Variants in SMAD9 observed in about 807,000 individuals in gnomAD.
SMAD9 encodes the protein SMAD family member 9, also known as MAD homolog 9.
Under a neutral mutation model 46.1 loss-of-function variants are expected in SMAD9, and 36 were observed. The observed-to-expected ratio is 0.78, with a 90% CI of 0.60 to 1.03. The LOEUF (loss-of-function observed/expected upper bound fraction) is 1.03, where lower values mean the gene tolerates loss of function less well. SMAD9 is among the 50% of genes least tolerant of loss of function. The pLI, the probability that SMAD9 is intolerant of heterozygous loss-of-function variation, is 0.00. For synonymous variants in SMAD9, 245 were observed against 237.1 expected, an observed-to-expected ratio of 1.03 and a Z score of -0.31; for missense variants, 572 against 599.8, an observed-to-expected ratio of 0.95 and a Z score of 0.48.
chr13:36,900,908 A>G (rs2058570176), intron 1 of SMAD9, among the ~76,000 whole-genome samples: 1 of 151,542 alleles, frequency 6.6e-6, no homozygotes, highest in East Asian at 1.9e-4. Flanking sequence ...ATAGAACCCT[A>G]TACACATTCA....
At chr13:36,906,638 CAT>C (rs1354726161) in intron 1 of SMAD9, among the ~76,000 whole-genome samples, 1 of 152,132 alleles carries the variant, frequency 6.6e-6, no homozygotes, top group East Asian at 1.9e-4. Flanking sequence ...CAAATAAGCA[CAT>C]AAAAGGAGGT....
At chr13:36,882,742 A>T (rs1341122674) in intron 1 of SMAD9, among the ~76,000 whole-genome samples, 1 of 152,240 alleles carries the variant, frequency 6.6e-6, no homozygotes, top group Non-Finnish European at 1.5e-5. Flanking sequence ...ACAGATGTTC[A>T]AAATATTATT....
At chr13:36,872,383 A>AAT (rs397933294) in intron 3 of SMAD9, among the ~76,000 whole-genome samples, 1 of 150,456 alleles carries the variant, frequency 6.6e-6, no homozygotes, top group Non-Finnish European at 1.5e-5. Flanking sequence ...AAAAAAAAAA[A>AAT]TCCTTGGAAA....
In SMAD9 at chr13:36,872,812, T is replaced by C; in HGVS notation, c.516A>G (p.Pro172=). Reference sequence around the variant, plus strand: ...AAGAGTCAGGATAGGTGGCGTTGTGTGGCATGAGTGGCTCACTGTGCAGGG... The same window carrying C: ...AAGAGTCAGGATAGGTGGCGTTGTGCGGCATGAGTGGCTCACTGTGCAGGG... ...SASLHSEPLM[P]HNATYPDSFQ... is the part of the protein sequence containing the mutation. The change falls in exon 3 of 7, where the codon CCA becomes CCG. Residue 172 remains proline, a synonymous_variant. Transcript: ENST00000379826. The C allele has an allele frequency of 1.2e-6, 2 of 1,614,024 alleles. No individual in the cohort carries two copies. The highest frequency in any genetic ancestry group is 1.7e-6 in the Non-Finnish European group (2 of 1,179,986).
Position 36,853,695 on chromosome 13 carries a change from G to T in SMAD9, c.1004-20C>A. ...GCACACCTGCAGACACAAAAACACA[G>T]CCTTCCTTCACATGCCCTTTCATAG... On this transcript the variant is annotated intron_variant, in intron 5 of 6. Coordinates refer to ENST00000379826, the MANE Select transcript of SMAD9 (RefSeq NM_001127217.3). 6.2e-7 allele frequency: 1 copy of T among 1,613,336 alleles called. No individual in the cohort carries two copies. The highest frequency in any genetic ancestry group is 1.1e-5 in the South Asian group (1 of 91,068).
intron 6 of SMAD9, 85 bp downstream of exon 6, chr13:36,853,334 A>G: frequency 1.5e-6 from 2 of 1,349,224 alleles, no homozygotes; most frequent in Non-Finnish European, 2.1e-6. Context: ...AATTGACCGC[A>G]CAACTGCCTG....
intron 1 of SMAD9, among the ~76,000 whole-genome samples, chr13:36,883,792 G>A (rs1477748095): frequency 6.6e-6 from 1 of 152,102 alleles, no homozygotes; most frequent in African/African-American, 2.4e-5. Context: ...TATAAACTGT[G>A]GTGGATTAGG....
At chr13:36,853,875 G>A (rs770270389) in intron 5 of SMAD9, among the ~76,000 whole-genome samples, 200 bp from the exon 6 acceptor site, 3 of 152,014 alleles carry the variant, frequency 2.0e-5, no homozygotes, top group African/African-American at 2.4e-5. Flanking sequence ...AAAGTGGATC[G>A]CAGCTGGGTG....
At chr13:36,915,050 T>C (rs571357999) in intron 1 of SMAD9, among the ~76,000 whole-genome samples, 7 of 152,348 alleles carry the variant, frequency 4.6e-5, no homozygotes, top group African/African-American at 1.7e-4. Flanking sequence ...TGGAAGAAGA[T>C]ATTCCATAGA....
At chr13:36,865,804 G>T in intron 4 of SMAD9, 46 bp from the exon 5 acceptor site, 3 of 1,488,026 alleles carry the variant, frequency 2.0e-6, no homozygotes, top group South Asian at 1.1e-5. Flanking sequence ...GTCATACCTG[G>T]GCTGTGTAGT....
chr13:36,849,244 T>G, intron 6 of SMAD9: 1 of 165,918 alleles, frequency 6.0e-6, no homozygotes, highest in Non-Finnish European at 1.3e-5. Flanking sequence ...GCGCTCTTGG[T>G]TTTTCAGGGC....
chr13:36,914,908 T>C (rs2058687481), intron 1 of SMAD9, among the ~76,000 whole-genome samples: 2 of 152,222 alleles, frequency 1.3e-5, no homozygotes, highest in African/African-American at 4.8e-5. Context: ...CAAAATCCTT[T>C]AGAATGACAT....
chr13:36,883,810 T>C (rs1456286966), intron 1 of SMAD9, among the ~76,000 whole-genome samples: 1 of 152,204 alleles, frequency 6.6e-6, no homozygotes, highest in Non-Finnish European at 1.5e-5. Context: ...AGGATAATTT[T>C]CCAAGATTTT....
intron 1 of SMAD9, among the ~76,000 whole-genome samples, chr13:36,903,126 GTT>G (rs375828906): frequency 0.03 from 3,831 of 127,436 alleles, 142 homozygotes; most frequent in African/African-American, 0.1. Context: ...TTTTCTTTTG[GTT>G]TTTTTTTTTT....
At chr13:36,901,589 C>T (rs567844486) in intron 1 of SMAD9, among the ~76,000 whole-genome samples, 142 of 151,944 alleles carry the variant, frequency 9.3e-4, no homozygotes, top group Non-Finnish European at 1.8e-3. Flanking sequence ...CACCATGCTC[C>T]GCTAATTTTT....
At chr13:36,916,815 C>T (rs2058701852) in intron 1 of SMAD9, among the ~76,000 whole-genome samples, 1 of 151,102 alleles carries the variant, frequency 6.6e-6, no homozygotes, top group East Asian at 1.9e-4. Context: ...CCCGTGAAGG[C>T]AGCGCCTGAA....
At chr13:36,910,069 C>A (rs369513033) in intron 1 of SMAD9, among the ~76,000 whole-genome samples, 3 of 151,858 alleles carry the variant, frequency 2.0e-5, no homozygotes, top group African/African-American at 4.8e-5. Flanking sequence ...TGGTGGCGGG[C>A]GCCTGTAGTC....
intron 5 of SMAD9, among the ~76,000 whole-genome samples, chr13:36,857,382 A>G (rs1593554310): frequency 1.3e-5 from 2 of 152,290 alleles, no homozygotes; most frequent in East Asian, 3.9e-4. Flanking sequence ...GAACACTGGC[A>G]ATGCAGCCCT....
chr13:36,879,150 CCCTCT>C, intron 2 of SMAD9, 123 bp downstream of exon 2: 1 of 829,328 alleles, frequency 1.2e-6, no homozygotes, highest in Non-Finnish European at 1.8e-6. Flanking sequence ...AACTGAACCT[CCCTCT>C]CCTCTCTTCT....
Sources: gnomAD v4.1 joint callset for allele counts (sites outside exome capture counted in the v4.1 genomes callset) on GRCh38, gnomAD v4.1.1 for gene constraint, MANE v1.5 for transcripts, NCBI Gene and HGNC (gene_info 2026-07-23, HGNC 2026-07-21) for gene names.